FAM135A: variants seen among roughly 807,000 people sequenced by gnomAD.
FAM135A encodes protein FAM135A.
FAM135A carries 79 observed loss-of-function variants against 146.8 expected under a neutral mutation model. The observed-to-expected ratio is 0.54, with a 90% CI of 0.45 to 0.65. The LOEUF (loss-of-function observed/expected upper bound fraction) is 0.65. Among genes scored for constraint, FAM135A ranks in the 30% least tolerant of loss-of-function variants. FAM135A has a pLI of 0.00. For missense variants in FAM135A, 1,623 were observed against 1,758.2 expected (o/e 0.92, Z 1.38); for synonymous variants, 562 against 603.6 (o/e 0.93, Z 1.01).
chr6:70,467,950 A>G (rs577766029), intron 5 of FAM135A, among the ~76,000 whole-genome samples: 2 of 152,178 alleles, frequency 1.3e-5, no homozygotes, highest in East Asian at 3.9e-4. Flanking sequence ...CTGATATTTG[A>G]TAGGCCTCAG....
rs1180241156 is a variant in FAM135A, at chr6:70,524,602, A to G, written c.1518A>G (p.Thr506=). ...KLMKTMKSEN[T]KKLIKQNSKD... is the part of the protein sequence containing the mutation. ...TGAAAACAATGAAATCTGAAAACAC[A>G]AAAAAATTAATAAAACAGAACTCTA... Residue 506 remains threonine (T), a synonymous_variant, in exon 15 of 22, where the codon ACA becomes ACG. Coordinates refer to ENST00000418814, the MANE Select transcript of FAM135A (RefSeq NM_001162529.3). 2 of 1,542,334 alleles carry G rather than the reference A, an allele frequency of 1.3e-6. No individual in the cohort carries two copies. Among genetic ancestry groups the G allele is most frequent in the Non-Finnish European group, 8.7e-7 (1 of 1,144,632 alleles).
intron 5 of FAM135A, among the ~76,000 whole-genome samples, chr6:70,469,311 G>C (rs1324588144): frequency 6.6e-6 from 1 of 152,122 alleles, no homozygotes; most frequent in African/African-American, 2.4e-5. Context: ...GTTGCTTCTG[G>C]TTTGAGAATA....
At chr6:70,553,563 A>C (rs1469861270) in intron 20 of FAM135A, among the ~76,000 whole-genome samples, 1 of 152,212 alleles carries the variant, frequency 6.6e-6, no homozygotes, top group Non-Finnish European at 1.5e-5. Flanking sequence ...TAATATAAAA[A>C]TTTAATCTGA....
chr6:70,486,812 C>T (rs1464712156), intron 10 of FAM135A, among the ~76,000 whole-genome samples: 1 of 152,074 alleles, frequency 6.6e-6, no homozygotes, highest in Non-Finnish European at 1.5e-5. Flanking sequence ...TCTGTAATCC[C>T]AGCTACTCGG....
At chr6:70,472,637 C>G (rs988576446) in intron 5 of FAM135A, among the ~76,000 whole-genome samples, 7 of 152,104 alleles carry the variant, frequency 4.6e-5, no homozygotes, top group Admixed American at 4.6e-4. Flanking sequence ...CAAAATGATC[C>G]AGTTCCAAAT....
At chr6:70,442,587 A>G (rs1231443969) in intron 4 of FAM135A, among the ~76,000 whole-genome samples, 3 of 152,114 alleles carry the variant, frequency 2.0e-5, no homozygotes, top group African/African-American at 4.8e-5. Context: ...AAATAAATAT[A>G]TAGTCATACC....
intron 5 of FAM135A, among the ~76,000 whole-genome samples, chr6:70,460,772 A>G (rs1779263357): frequency 6.6e-6 from 1 of 151,006 alleles, no homozygotes; most frequent in Admixed American, 6.6e-5. Context: ...AGAGATAGAT[A>G]GAAGATTTAT....
chr6:70,433,149 A>C (rs1029155481), intron 4 of FAM135A, among the ~76,000 whole-genome samples: 9 of 149,806 alleles, frequency 6.0e-5, no homozygotes, highest in African/African-American at 2.0e-4. Flanking sequence ...ATCTCGGCTC[A>C]CTGCAAGCTC....
At chr6:70,446,939 A>G (rs773814216) in intron 4 of FAM135A, among the ~76,000 whole-genome samples, 30 of 152,358 alleles carry the variant, frequency 2.0e-4, no homozygotes, top group Admixed American at 6.5e-4. Flanking sequence ...GTTGTAATAA[A>G]TCTCTCCTCC....
At chr6:70,460,502 T>G (rs953108501) in intron 5 of FAM135A, among the ~76,000 whole-genome samples, 2 of 152,192 alleles carry the variant, frequency 1.3e-5, no homozygotes, top group Non-Finnish European at 2.9e-5. Flanking sequence ...GTTCTAAAGG[T>G]TGAAAACAAG....
chr6:70,450,678 A>ATAT (rs1172602388), intron 4 of FAM135A, among the ~76,000 whole-genome samples: 2 of 107,184 alleles, frequency 1.9e-5, no homozygotes, highest in African/African-American at 6.9e-5. Context: ...GCTTGGAAAT[A>ATAT]TATTATTTTG....
intron 13 of FAM135A, 119 bp from the exon 14 acceptor site, chr6:70,523,848 G>A: frequency 1.1e-5 from 10 of 943,516 alleles, no homozygotes; most frequent in South Asian, 1.8e-5. Flanking sequence ...TCATAAGAAG[G>A]TTATGTCTTG....
intron 10 of FAM135A, among the ~76,000 whole-genome samples, chr6:70,489,877 A>G (rs1008629077): frequency 1.3e-5 from 2 of 152,152 alleles, no homozygotes; most frequent in Non-Finnish European, 2.9e-5. Context: ...CACATGCTTC[A>G]GGGTCGCAGG....
chr6:70,434,769 T>C (rs1772563677), intron 4 of FAM135A, among the ~76,000 whole-genome samples: 1 of 152,202 alleles, frequency 6.6e-6, no homozygotes, highest in African/African-American at 2.4e-5. Flanking sequence ...TGAAATGTTA[T>C]CAGTTTGATT....
At chr6:70,557,078 G>C in intron 21 of FAM135A, 1 of 568,918 alleles carries the variant, frequency 1.8e-6, no homozygotes, top group Non-Finnish European at 3.1e-6. Context: ...AATTACAAAT[G>C]CCTCTCCATT....
intron 20 of FAM135A, among the ~76,000 whole-genome samples, chr6:70,550,952 A>T (rs897405483): frequency 6.6e-6 from 1 of 152,184 alleles, no homozygotes; most frequent in Non-Finnish European, 1.5e-5. Flanking sequence ...TGGAGACAAC[A>T]TCTTTCCTTA....
chr6:70,449,585 C>A (rs1215466861), intron 4 of FAM135A, among the ~76,000 whole-genome samples: 1 of 152,018 alleles, frequency 6.6e-6, no homozygotes, highest in Non-Finnish European at 1.5e-5. Context: ...ACAGAATTTT[C>A]TTATTTTTTA....
chr6:70,490,990 A>G, intron 10 of FAM135A, 44 bp from the exon 11 acceptor site: 1 of 1,385,280 alleles, frequency 7.2e-7, no homozygotes, highest in Non-Finnish European at 9.8e-7. Flanking sequence ...TATAAATTAA[A>G]TATCTAACAT....
chr6:70,525,717 A>G lies in FAM135A; in HGVS notation c.2633A>G (p.Asp878Gly), dbSNP rs2128356286. 6.2e-7 allele frequency: 1 copy of G among 1,613,026 alleles called. No homozygotes were observed. The highest frequency in any genetic ancestry group is 1.1e-5 in the South Asian group (1 of 90,882). Residue 878 changes from aspartate (D) to glycine (G), a missense_variant, in exon 15 of 22, where the codon GAT (aspartate) becomes GGT (glycine). Asp to Gly is a moderately conservative substitution (Grantham distance 94, BLOSUM62 -1). Around this residue, in one of 7 missense-constraint regions of FAM135A, gnomAD observed 1,061 missense variants for 1,113.8 expected, o/e 0.95. Coordinates refer to ENST00000418814, the MANE Select transcript of FAM135A (RefSeq NM_001162529.3). ...ACTGTATTAAATCTAGGAACGACTG[A>G]TTTGCCAAAATGTGATGATACTAAA... ...SKTVLNLGTT[D>G]LPKCDDTKKS... is the part of the protein sequence containing the mutation.
Sources: allele counts gnomAD v4.1 joint callset (sites outside exome capture counted in the v4.1 genomes callset), GRCh38; gene constraint gnomAD v4.1.1; regional missense constraint gnomAD v4.1.1; transcripts MANE v1.5; gene names NCBI Gene and HGNC (gene_info 2026-07-23, HGNC 2026-07-21).